HEATR4: variants seen among roughly 807,000 people sequenced by gnomAD.
The protein encoded by HEATR4 is HEAT repeat-containing protein 4.
HEATR4 carries 95 observed loss-of-function variants against 108.8 expected under a neutral mutation model. The observed-to-expected ratio is 0.87, with a 90% CI of 0.74 to 1.04. The LOEUF (loss-of-function observed/expected upper bound fraction) is 1.04. HEATR4 is among the 50% of genes least tolerant of loss of function. HEATR4 has a pLI of 0.00. For synonymous variants in HEATR4, 443 were observed against 459.4 expected, an observed-to-expected ratio of 0.96 and a Z score of 0.46; for missense variants, 1,152 against 1,253.8, an observed-to-expected ratio of 0.92 and a Z score of 1.23.
the HEATR4 span, among the ~76,000 whole-genome samples, chr14:73,576,802 A>AG: frequency 1.4e-5 from 2 of 146,930 alleles, no homozygotes; most frequent in Non-Finnish European, 3.0e-5. Flanking sequence ...TCAAAAAAAA[A>AG]AAAAAAAAAA....
At position 73,535,652 on chromosome 14, in the gene HEATR4, T is replaced by C. The variant is rs573646608; in HGVS notation, c.-151-5408A>G. ...CCCGGCGAATTTTTTGTATTTTTGG[T>C]TTTTTTTTAGTAGAGACGGAGTTTC... On this transcript the variant is annotated intron_variant, in intron 1 of 17. Transcript: ENST00000553558. Among the ~76,000 whole-genome samples, 72 of 109,608 alleles carry C rather than the reference T, an allele frequency of 6.6e-4. 22 individuals are homozygous for C. The Middle Eastern group carries it at 0.019, about 29-fold the overall frequency. The allele number at this position is 109,608 out of a possible 152,430, so 71.9% of individuals were successfully genotyped here. A position where few individuals can be genotyped will look rare whatever the true frequency, so the allele number is the denominator to read the frequency against.
At chr14:73,592,153 C>T in the HEATR4 span, 16 of 1,596,188 alleles carry the variant, frequency 1.0e-5, no homozygotes, top group Non-Finnish European at 1.4e-5. Flanking sequence ...CTGGAGCGCG[C>T]ACCCGCGCTG....
chr14:73,514,807 G>C (rs190808845), intron 5 of HEATR4, among the ~76,000 whole-genome samples: 3 of 152,258 alleles, frequency 2.0e-5, no homozygotes, highest in African/African-American at 7.2e-5. Flanking sequence ...GGTGGCTTTT[G>C]CCTGTAATCC....
In HEATR4 at chr14:73,522,985, A is replaced by G. The variant is rs767959965; in HGVS notation, c.168T>C (p.Arg56=). Residue 56 remains arginine (R), a synonymous_variant, in exon 3 of 18, where the codon CGT becomes CGC. Transcript: ENST00000553558. ...VPMVFFSSQY[R]LHRKSQYLKM... is the part of the protein sequence containing the mutation. The stretch of plus-strand genomic sequence containing the variant: ...TCAAATATTGGCTCTTGCGGTGTAG[A>G]CGGTACTGTGAGCTGAAGAAGACCA... 6.2e-6 allele frequency: 10 copies of G among 1,614,180 alleles called. No individual in the cohort carries two copies. The highest frequency in any genetic ancestry group is 8.5e-6 in the Non-Finnish European group (10 of 1,180,040).
the HEATR4 span, among the ~76,000 whole-genome samples, chr14:73,570,509 T>C: frequency 1.0e-4 from 15 of 149,308 alleles, no homozygotes; most frequent in East Asian, 8.1e-4. Context: ...GCAGAGTTTG[T>C]AGTGAGCTGA....
the HEATR4 span, among the ~76,000 whole-genome samples, chr14:73,612,051 T>C: frequency 6.6e-6 from 1 of 152,116 alleles, no homozygotes; most frequent in South Asian, 2.1e-4. Flanking sequence ...ACTCTTTTTT[T>C]TTTTTTTTAG....
intron 3 of HEATR4, 41 bp downstream of exon 3, chr14:73,522,231 A>T: frequency 3.8e-6 from 6 of 1,583,446 alleles, no homozygotes; most frequent in Non-Finnish European, 5.2e-6. Context: ...AAGGGGAGTC[A>T]GGGATTATCA....
Position 73,492,073 on chromosome 14 carries a change from A to G in HEATR4, c.2844+993T>C. 1 of 1,613,972 alleles carries G rather than the reference A, an allele frequency of 6.2e-7. No homozygotes were observed. Among genetic ancestry groups the G allele is most frequent in the Non-Finnish European group, 8.5e-7 (1 of 1,179,878 alleles). On this transcript the variant is annotated intron_variant, in intron 17 of 17. Transcript: ENST00000553558. The surrounding 1 kb of genome is among the most constrained non-coding windows in gnomAD (Gnocchi z 4.9). ...TCGAGGCCTTCGTGCTGCAGCTGGA[A>G]GGTAGGAAACTCTGGCGTGTATACC...
intron 17 of HEATR4, among the ~76,000 whole-genome samples, chr14:73,479,658 G>A (rs1885169703): frequency 6.7e-6 from 1 of 149,722 alleles, no homozygotes; most frequent in South Asian, 2.1e-4. Context: ...GGCTGGTCTC[G>A]AACTCAGGTG....
chr14:73,592,211 G>C, the HEATR4 span: 1 of 1,612,738 alleles, frequency 6.2e-7, no homozygotes, highest in Non-Finnish European at 8.5e-7. Flanking sequence ...TCTGGGCCCT[G>C]GAACCCGAGA....
intron 17 of HEATR4, among the ~76,000 whole-genome samples, chr14:73,479,148 C>T (rs1448353170): frequency 6.6e-6 from 1 of 151,814 alleles, no homozygotes; most frequent in East Asian, 1.9e-4. Context: ...CGGAGTCTCA[C>T]ACTCTCTCCC....
At chr14:73,574,917 C>G in the HEATR4 span, 1 of 1,612,372 alleles carries the variant, frequency 6.2e-7, no homozygotes, top group African/African-American at 1.3e-5. Context: ...GGTAAAAGGT[C>G]CAGGAGTTGG....
At chr14:73,606,135 C>T in the HEATR4 span, among the ~76,000 whole-genome samples, 1 of 152,092 alleles carries the variant, frequency 6.6e-6, no homozygotes, top group African/African-American at 2.4e-5. Context: ...AACTGTAATC[C>T]TCCCTGACGT....
chr14:73,593,628 CCA>C, the HEATR4 span: 5 of 1,409,902 alleles, frequency 3.5e-6, no homozygotes, highest in African/African-American at 4.3e-5. Context: ...CAAGCATGAA[CCA>C]CAGTGTCCAG....
At chr14:73,592,025 C>A in the HEATR4 span, 6 of 1,444,734 alleles carry the variant, frequency 4.2e-6, no homozygotes, top group Non-Finnish European at 5.4e-6. Flanking sequence ...TGCGCATTGC[C>A]GTGCGCGGCC....
intron 7 of HEATR4, 83 bp from the exon 8 acceptor site, chr14:73,509,556 G>A (rs1887071611): frequency 1.4e-6 from 2 of 1,404,748 alleles, no homozygotes; most frequent in Admixed American, 1.8e-5. Flanking sequence ...CCATGTGGTG[G>A]CCAACCTCAG....
chr14:73,563,060 C>T (rs1469376381), upstream of HEATR4, among the ~76,000 whole-genome samples: 7 of 151,940 alleles, frequency 4.6e-5, no homozygotes, highest in East Asian at 1.9e-4. Flanking sequence ...CCTGTTCTTA[C>T]CCCCGCTCCC....
chr14:73,486,429 G>A (rs1193753736), intron 17 of HEATR4, among the ~76,000 whole-genome samples: 2 of 152,146 alleles, frequency 1.3e-5, no homozygotes, highest in Non-Finnish European at 2.9e-5. Flanking sequence ...TGGGTGTGGT[G>A]GCTCACGCCC....
intron 17 of HEATR4, among the ~76,000 whole-genome samples, chr14:73,482,415 A>T (rs1885293948): frequency 6.6e-6 from 1 of 151,986 alleles, no homozygotes; most frequent in African/African-American, 2.4e-5. Flanking sequence ...CTAGCTACTC[A>T]GGAGGCTGAG....
Sources: gnomAD v4.1 joint callset for allele counts (sites outside exome capture counted in the v4.1 genomes callset) on GRCh38, gnomAD v4.1.1 for gene constraint, Gnocchi (gnomAD v3.1) non-coding constraint, MANE v1.5 for transcripts, NCBI Gene and HGNC (gene_info 2026-07-23, HGNC 2026-07-21) for gene names.